The following EBF1 variants were observed in gnomAD, a reference collection of about 807,000 sequenced individuals.
The protein encoded by EBF1 is EBF transcription factor 1.
A neutral mutation model predicts 68.4 loss-of-function variants in EBF1; 10 were observed. The ratio of observed to expected loss-of-function variants is 0.15; its 90% confidence interval spans 0.09 to 0.25. The LOEUF is 0.25. Ranked by LOEUF, EBF1 falls within the 10% of genes least tolerant of loss-of-function variation. EBF1 has a pLI of 1.00. For synonymous variants in EBF1, 298 were observed against 299.8 expected (o/e 0.99, Z 0.06); for missense variants, 509 against 794.4 (o/e 0.64, Z 4.32).
intron 10 of EBF1, among the ~76,000 whole-genome samples, chr5:158,757,225 G>C (rs1354463990): frequency 2.0e-5 from 3 of 152,058 alleles, no homozygotes; most frequent in Admixed American, 1.3e-4. Flanking sequence ...CATCCTAAAG[G>C]GAAGGCGGGC....
chr5:158,983,323 C>T (rs1490061735), intron 6 of EBF1: 2 of 152,068 alleles, frequency 1.3e-5, no homozygotes, highest in African/African-American at 4.8e-5. Flanking sequence ...GAGGTATATT[C>T]ACTTATTAAG....
At chr5:158,880,004 G>A (rs1798576940) in intron 6 of EBF1, among the ~76,000 whole-genome samples, 1 of 152,132 alleles carries the variant, frequency 6.6e-6, no homozygotes, top group Non-Finnish European at 1.5e-5. Flanking sequence ...AGTGCAGATG[G>A]GTTAAAGGAC....
intron 6 of EBF1, among the ~76,000 whole-genome samples, chr5:159,007,285 G>A (rs1319624442): frequency 6.6e-6 from 1 of 152,162 alleles, no homozygotes; most frequent in African/African-American, 2.4e-5. Context: ...TGGGGTCCCA[G>A]TAAAAGGAAA....
rs75512888 is a variant in EBF1 at position 159,003,723 on chromosome 5, G to A, written c.554+69673C>T. Among the ~76,000 whole-genome samples the A allele has an allele frequency of 3.8e-3, 575 of 152,320 alleles. 2 individuals carry two copies. The highest frequency in any genetic ancestry group is 0.013 in the African/African-American group (544 of 41,576). The stretch of plus-strand genomic sequence containing the variant: ...GACTGAGCACATGCCCACAAGCCAT[G>A]TGCTCAAACTTCATGAATCTCACCT... On this transcript the variant is annotated intron_variant, in intron 6 of 15. Coordinates refer to ENST00000313708, the MANE Select transcript of EBF1 (RefSeq NM_024007.5).
chr5:158,777,589 TCA>T (rs1775551944), intron 9 of EBF1, 50 bp from the exon 10 acceptor site: 8 of 1,551,774 alleles, frequency 5.2e-6, no homozygotes, highest in African/African-American at 1.4e-5. Context: ...AGTTAAAACT[TCA>T]CAGTCTTCCT....
At chr5:158,758,190 G>A (rs903886089) in intron 10 of EBF1, among the ~76,000 whole-genome samples, 34 of 152,282 alleles carry the variant, frequency 2.2e-4, no homozygotes, top group Admixed American at 1.2e-3. Context: ...TATGGCCAGA[G>A]GGCAAGGTCT....
intron 5 of EBF1, among the ~76,000 whole-genome samples, chr5:159,080,901 G>A (rs995312783): frequency 6.6e-6 from 1 of 152,230 alleles, no homozygotes; most frequent in African/African-American, 2.4e-5. Context: ...TGCTATGAAA[G>A]AAAAGCACAG....
intron 9 of EBF1, among the ~76,000 whole-genome samples, chr5:158,785,683 C>G (rs1459739430): frequency 1.3e-5 from 2 of 152,128 alleles, no homozygotes; most frequent in Non-Finnish European, 2.9e-5. Flanking sequence ...TGCTGAGTCA[C>G]ATGAATCCTT....
At chr5:158,983,066 A>C (rs2127590178) in intron 6 of EBF1, 1 of 151,978 alleles carries the variant, frequency 6.6e-6, no homozygotes, top group African/African-American at 2.4e-5. Flanking sequence ...CTCAGCCCTT[A>C]CTCTTTCAGC....
chr5:158,947,875 G>C (rs1815123998), intron 6 of EBF1, among the ~76,000 whole-genome samples: 1 of 152,146 alleles, frequency 6.6e-6, no homozygotes, highest in African/African-American at 2.4e-5. Flanking sequence ...CCTTTTAAAA[G>C]TTCCCTCCCT....
intron 6 of EBF1, among the ~76,000 whole-genome samples, chr5:159,060,756 A>T (rs1233841347): frequency 6.6e-6 from 1 of 152,198 alleles, no homozygotes; most frequent in Non-Finnish European, 1.5e-5. Flanking sequence ...ATTTTACAGG[A>T]TGGCATAAAA....
At chr5:158,792,649 G>C (rs1018060211) in intron 9 of EBF1, among the ~76,000 whole-genome samples, 4 of 152,154 alleles carry the variant, frequency 2.6e-5, no homozygotes, top group African/African-American at 9.7e-5. Context: ...AAAATTAGAA[G>C]GCCTGGATCT....
chr5:158,784,132 G>A (rs373063811), intron 9 of EBF1, among the ~76,000 whole-genome samples: 2 of 152,092 alleles, frequency 1.3e-5, no homozygotes, highest in Non-Finnish European at 1.5e-5. Context: ...TATGTCAAGC[G>A]CTATGTTAAA....
At chr5:159,032,073 C>A (rs1032175396) in intron 6 of EBF1, among the ~76,000 whole-genome samples, 1 of 152,142 alleles carries the variant, frequency 6.6e-6, no homozygotes, top group Non-Finnish European at 1.5e-5. Flanking sequence ...AGTTTAGCAT[C>A]TCCACCAAGA....
chr5:158,845,948 C>T lies in EBF1; in HGVS notation c.555-5838G>A, dbSNP rs79725867. ...GGCTGAGCAGGTTGAGTTTTTACCT[C>T]CCCCAACCCAAATTCTGAAAAATCA... is the stretch of plus-strand genomic sequence containing the variant. On this transcript the variant is annotated intron_variant, in intron 6 of 15. Coordinates refer to ENST00000313708, the MANE Select transcript of EBF1 (RefSeq NM_024007.5). Among the ~76,000 whole-genome samples, 38 of 152,282 alleles carry T rather than the reference C, an allele frequency of 2.5e-4. No homozygotes were observed. The East Asian group carries it at 7.3e-3, about 29-fold the overall frequency.
At chr5:158,930,912 C>T (rs1583258321) in intron 6 of EBF1, among the ~76,000 whole-genome samples, 1 of 151,886 alleles carries the variant, frequency 6.6e-6, no homozygotes, top group East Asian at 1.9e-4. Context: ...ATTTTCATAT[C>T]TTGCACAAAC....
At chr5:158,920,418 C>T (rs1276905960) in intron 6 of EBF1, among the ~76,000 whole-genome samples, 1 of 152,214 alleles carries the variant, frequency 6.6e-6, no homozygotes, top group African/African-American at 2.4e-5. Context: ...TCTGAAACTT[C>T]AGCTCTAAAG....
intron 6 of EBF1, among the ~76,000 whole-genome samples, chr5:158,940,421 C>G (rs908693933): frequency 6.6e-6 from 1 of 152,132 alleles, no homozygotes; most frequent in African/African-American, 2.4e-5. Context: ...TAAATACATC[C>G]TCTTTTCTAA....
intron 6 of EBF1, among the ~76,000 whole-genome samples, chr5:158,969,919 A>AGAAAGAAAGAAAGAAAGAAG (rs199980397): frequency 3.3e-5 from 2 of 60,176 alleles, no homozygotes; most frequent in African/African-American, 1.2e-4. Context: ...AAAGAAAGAA[A>AGAAAGAAAGAAAGAAAGAAG]AAAAAAAAAA....
Sources: allele counts gnomAD v4.1 joint callset (sites outside exome capture counted in the v4.1 genomes callset), GRCh38; gene constraint gnomAD v4.1.1; transcripts MANE v1.5; gene names NCBI Gene and HGNC (gene_info 2026-07-23, HGNC 2026-07-21).